KSR1: variants seen among roughly 807,000 people sequenced by gnomAD.
KSR1 encodes the protein kinase suppressor of ras.
KSR1 carries 35 observed loss-of-function variants against 92.9 expected under a neutral mutation model. That is an observed-to-expected ratio of 0.38 (90% confidence interval 0.29 to 0.50). The LOEUF is 0.50. Among genes scored for constraint, KSR1 ranks in the 20% least tolerant of loss-of-function variants. The pLI is 0.94. For synonymous variants in KSR1, 467 were observed against 472.6 expected (o/e 0.99, Z 0.15); for missense variants, 972 against 1,158.5 (o/e 0.84, Z 2.34).
At chr17:27,499,165 C>A (rs2069092428) in intron 1 of KSR1, among the ~76,000 whole-genome samples, 1 of 152,170 alleles carries the variant, frequency 6.6e-6, no homozygotes, top group Non-Finnish European at 1.5e-5. Flanking sequence ...AGAAGCCAAG[C>A]AATACACCAT....
intron 1 of KSR1, among the ~76,000 whole-genome samples, chr17:27,491,163 C>A (rs940042905): frequency 3.9e-5 from 6 of 151,984 alleles, no homozygotes; most frequent in African/African-American, 1.5e-4. Flanking sequence ...TTCTGTCGCC[C>A]AGGCTGGAGC....
chr17:27,604,575 G>A lies in KSR1; in HGVS notation c.1566-105G>A, dbSNP rs2073684251. ...CGGCCTTTCCCCTAGCCAGGTGTGA[G>A]TCAGAGTAAGTACCTTTGTCTCAGA... On this transcript the variant is annotated intron_variant, in intron 12 of 20. Transcript: ENST00000644974. 7.7e-6 allele frequency: 9 copies of A among 1,172,998 alleles called. No homozygotes were observed. The Admixed American group carries it at 1.6e-4, about 20-fold the overall frequency. The allele number at this position is 1,172,998 out of a possible 1,614,324, so 72.7% of individuals were successfully genotyped here. A position where few individuals can be genotyped will look rare whatever the true frequency, so the allele number is the denominator to read the frequency against.
chr17:27,495,844 A>C (rs1263542841), intron 1 of KSR1, among the ~76,000 whole-genome samples: 1 of 151,396 alleles, frequency 6.6e-6, no homozygotes, highest in Non-Finnish European at 1.5e-5. Context: ...CATTTTTTTT[A>C]AGTTGGATCA....
chr17:27,574,941 A>C (rs914778900), intron 2 of KSR1, among the ~76,000 whole-genome samples: 1 of 152,230 alleles, frequency 6.6e-6, no homozygotes, highest in African/African-American at 2.4e-5. Flanking sequence ...ATCTTACTGC[A>C]TTGTAGTTAC....
chr17:27,526,293 G>T, intron 1 of KSR1: 1 of 856,466 alleles, frequency 1.2e-6, no homozygotes, highest in Non-Finnish European at 1.8e-6. Context: ...AATTTTCCTA[G>T]TTGTCGCTCT....
intron 1 of KSR1, among the ~76,000 whole-genome samples, chr17:27,467,583 C>T (rs986397881): frequency 1.3e-5 from 2 of 152,034 alleles, no homozygotes; most frequent in Admixed American, 6.6e-5. Flanking sequence ...CGTTTTTGGT[C>T]TTTTTTCCTG....
chr17:27,596,010 A>C (rs1209298775), intron 9 of KSR1, among the ~76,000 whole-genome samples: 2 of 152,162 alleles, frequency 1.3e-5, no homozygotes, highest in Non-Finnish European at 2.9e-5. Flanking sequence ...CCCAAACTTC[A>C]TCAAAGCTGA....
chr17:27,524,005 G>A (rs1402956218), intron 1 of KSR1, among the ~76,000 whole-genome samples: 2 of 152,190 alleles, frequency 1.3e-5, no homozygotes, highest in Admixed American at 1.3e-4. Flanking sequence ...ACCACTAGAT[G>A]ATGAAAGATG....
chr17:27,532,890 C>G (rs577817866), intron 1 of KSR1, among the ~76,000 whole-genome samples: 2 of 152,254 alleles, frequency 1.3e-5, no homozygotes, highest in South Asian at 4.2e-4. Flanking sequence ...AAGGTCAGAC[C>G]CAGCGCCTCA....
intron 1 of KSR1, among the ~76,000 whole-genome samples, chr17:27,543,165 G>A (rs556401063): frequency 3.3e-5 from 5 of 152,224 alleles, no homozygotes; most frequent in Admixed American, 2.6e-4. Context: ...TGCCATTTTA[G>A]CTGGTGCTAA....
chr17:27,484,799 G>A (rs144633748), intron 1 of KSR1, among the ~76,000 whole-genome samples: 2 of 152,330 alleles, frequency 1.3e-5, no homozygotes, highest in East Asian at 1.9e-4. Context: ...AGAAGAGCAC[G>A]GAGGATGCTC....
intron 1 of KSR1, among the ~76,000 whole-genome samples, chr17:27,504,884 C>T (rs1017739427): frequency 6.6e-6 from 1 of 152,168 alleles, no homozygotes; most frequent in African/African-American, 2.4e-5. Flanking sequence ...CCCAGCAGCA[C>T]AGAGCAAAGT....
At chr17:27,479,878 G>T (rs1255117562) in intron 1 of KSR1, among the ~76,000 whole-genome samples, 1 of 152,124 alleles carries the variant, frequency 6.6e-6, no homozygotes, top group Non-Finnish European at 1.5e-5. Flanking sequence ...GACATTAGAG[G>T]GTGACCTGTG....
At position 27,460,464 on chromosome 17, in the gene KSR1, G is replaced by A. The variant is rs567788284; in HGVS notation, c.231+3590G>A. Among the ~76,000 whole-genome samples, 3 of 152,338 alleles carry A rather than the reference G, an allele frequency of 2.0e-5. No homozygotes were observed. The South Asian group carries it at 6.2e-4, about 32-fold the overall frequency. ...CTAAGCAAGCTGGCGTGGAGAAAGG[G>A]GCTGAAGGACTTTGACCATCAGGCT... On this transcript the variant is annotated intron_variant, in intron 1 of 20. Transcript: ENST00000644974.
chr17:27,456,919 ACACCTCCCTCC>A, intron 1 of KSR1, 45 bp downstream of exon 1: 1 of 764,102 alleles, frequency 1.3e-6, no homozygotes, highest in Non-Finnish European at 2.4e-6. Context: ...GCGGGCCCGG[ACACCTCCCTCC>A]GGGCCCCAGT....
chr17:27,476,989 G>A (rs2068366425), intron 1 of KSR1, among the ~76,000 whole-genome samples: 1 of 152,196 alleles, frequency 6.6e-6, no homozygotes, highest in Admixed American at 6.5e-5. Context: ...GCTGCTGGTT[G>A]CCCATTTTTA....
intron 1 of KSR1, among the ~76,000 whole-genome samples, chr17:27,509,741 G>T (rs193259506): frequency 2.0e-5 from 3 of 152,352 alleles, no homozygotes; most frequent in Non-Finnish European, 4.4e-5. Context: ...TTAGGAGGCT[G>T]AGGTTGGAGG....
In KSR1 at chr17:27,604,707, G is replaced by A. The variant is rs748132730; in HGVS notation, c.1593G>A (p.Val531=). 6.2e-7 allele frequency: 1 copy of A among 1,614,072 alleles called. No individual in the cohort carries two copies. Among genetic ancestry groups the A allele is most frequent in the Non-Finnish European group, 8.5e-7 (1 of 1,179,906 alleles). ...TCGATGACCAGCCGAAAGCAGATGT[G>A]TTGGAAGCTCACGAAGCGGAGGTGA... is the stretch of plus-strand genomic sequence containing the variant. ...TRLDDQPKAD[V]LEAHEAEAEE... is the part of the protein sequence containing the mutation. Residue 531 remains valine (V), a synonymous_variant, in exon 13 of 21, where the codon GTG becomes GTA. Transcript: ENST00000644974.
At chr17:27,463,886 G>A (rs1293616521) in intron 1 of KSR1, among the ~76,000 whole-genome samples, 3 of 152,182 alleles carry the variant, frequency 2.0e-5, no homozygotes, top group Non-Finnish European at 4.4e-5. Flanking sequence ...AGAGTTGTGG[G>A]TTCCTAGGGC....
Sources: allele counts gnomAD v4.1 joint callset (sites outside exome capture counted in the v4.1 genomes callset), GRCh38; gene constraint gnomAD v4.1.1; transcripts MANE v1.5; gene names NCBI Gene and HGNC (gene_info 2026-07-23, HGNC 2026-07-21).